PARPBP: variants seen among roughly 807,000 people sequenced by gnomAD.
PARPBP encodes the protein PCNA-interacting partner.
A neutral mutation model predicts 50.0 loss-of-function variants in PARPBP; 52 were observed. That is an observed-to-expected ratio of 1.04 (90% CI 0.83 to 1.31). PARPBP has a LOEUF of 1.31. Ranked by LOEUF, PARPBP falls within the 50% of genes most tolerant of loss-of-function variation. The pLI is 0.00. For missense variants in PARPBP, 697 were observed against 672.0 expected (o/e 1.04, Z -0.41); for synonymous variants, 244 against 232.1 (o/e 1.05, Z -0.47).
intron 4 of PARPBP, among the ~76,000 whole-genome samples, chr12:102,160,185 G>A (rs1887414099): frequency 6.6e-6 from 1 of 152,152 alleles, no homozygotes; most frequent in Admixed American, 6.5e-5. Context: ...CATAATAAGA[G>A]GGATAGATTT....
intron 2 of PARPBP, among the ~76,000 whole-genome samples, chr12:102,136,725 T>C (rs1350302195): frequency 6.6e-6 from 1 of 152,184 alleles, no homozygotes; most frequent in Non-Finnish European, 1.5e-5. Context: ...AGTTCAGTTT[T>C]ATTTCAACTT....
chr12:102,183,671 A>G (rs919800785), intron 9 of PARPBP, among the ~76,000 whole-genome samples: 3 of 152,170 alleles, frequency 2.0e-5, no homozygotes, highest in African/African-American at 7.2e-5. Context: ...GAAGTGTAAC[A>G]TATCAAAAAA....
chr12:102,156,610 A>G (rs1404523797), intron 4 of PARPBP, among the ~76,000 whole-genome samples: 1 of 152,078 alleles, frequency 6.6e-6, no homozygotes, highest in Middle Eastern at 3.2e-3. Context: ...ATTATATTCA[A>G]CATATTTTAA....
chr12:102,168,867 A>G (rs949814830), intron 6 of PARPBP, among the ~76,000 whole-genome samples: 1 of 152,192 alleles, frequency 6.6e-6, no homozygotes, highest in Non-Finnish European at 1.5e-5. Context: ...TATAAGAAAT[A>G]AACAACAAAC....
intron 6 of PARPBP, among the ~76,000 whole-genome samples, chr12:102,167,530 T>C (rs1042368604): frequency 2.0e-5 from 3 of 152,102 alleles, no homozygotes; most frequent in African/African-American, 7.2e-5. Context: ...CTCTGTATAG[T>C]GGGTTTATTT....
In PARPBP at chr12:102,157,372, A is replaced by G. The variant is rs573863885; in HGVS notation, c.495+3396A>G. On this transcript the variant is annotated intron_variant, in intron 4 of 10. Coordinates refer to ENST00000327680, the MANE Select transcript of PARPBP (RefSeq NM_017915.5). Reference sequence around the variant, plus strand: ...TTTAAAATATCATTTACTAACTTCCATATTTAAATTTCTCCATTTGTCCCC... The same window carrying G: ...TTTAAAATATCATTTACTAACTTCCGTATTTAAATTTCTCCATTTGTCCCC... 4.8e-4 allele frequency among the ~76,000 whole-genome samples: 73 copies of G among 152,192 alleles called. 1 individual carries two copies. In the Middle Eastern group the frequency reaches 0.01, roughly 21 times the overall value.
At chr12:102,148,936 ATTCTT>A (rs1885815145) in intron 3 of PARPBP, 1 of 152,438 alleles carries the variant, frequency 6.6e-6, no homozygotes. Flanking sequence ...ATAATAGACT[ATTCTT>A]TTTTTGCACA....
chr12:102,152,933 CAA>C (rs80188087), intron 3 of PARPBP, among the ~76,000 whole-genome samples: 76 of 80,402 alleles, frequency 9.5e-4, no homozygotes, highest in Non-Finnish European at 1.4e-3. Context: ...AACAGTAAAA[CAA>C]AAAAAAAAAA....
At chr12:102,147,421 A>G (rs1885529302) in intron 2 of PARPBP, among the ~76,000 whole-genome samples, 1 of 152,136 alleles carries the variant, frequency 6.6e-6, no homozygotes, top group South Asian at 2.1e-4. Flanking sequence ...TTGTAGGGAC[A>G]TGGATGAAAT....
In PARPBP at chr12:102,183,334, A is replaced by G. The variant is rs1290642118; in HGVS notation, c.1263+707A>G. On this transcript the variant is annotated intron_variant, in intron 9 of 10. Transcript: ENST00000327680. Reference sequence around the variant, plus strand: ...ATTTATAATCATCCTTAAACTGTCAAATATTCATCTTGATACAACAAAAAA... The same window carrying G: ...ATTTATAATCATCCTTAAACTGTCAGATATTCATCTTGATACAACAAAAAA... Among the ~76,000 whole-genome samples the G allele has an allele frequency of 2.0e-5, 3 of 152,276 alleles. No individual in the cohort carries two copies. In the East Asian group the frequency reaches 5.8e-4, roughly 29 times the overall value.
chr12:102,134,538 A>G (rs113907781), intron 2 of PARPBP, among the ~76,000 whole-genome samples: 6 of 152,192 alleles, frequency 3.9e-5, no homozygotes, highest in African/African-American at 1.4e-4. Flanking sequence ...AAGAACTAAT[A>G]CCAATCCTTC....
At chr12:102,158,690 G>C (rs1179099845) in intron 4 of PARPBP, among the ~76,000 whole-genome samples, 1 of 151,928 alleles carries the variant, frequency 6.6e-6, no homozygotes, top group Non-Finnish European at 1.5e-5. Context: ...TCTTTTCTCG[G>C]TGGCGCTTAA....
chr12:102,182,420 G>T, intron 8 of PARPBP, 129 bp from the exon 9 acceptor site: 1 of 630,152 alleles, frequency 1.6e-6, no homozygotes, highest in Non-Finnish European at 2.8e-6. Flanking sequence ...AGTTTATCTG[G>T]GAGGTAACCC....
chr12:102,143,764 G>A lies in PARPBP; in HGVS notation c.154-4466G>A, dbSNP rs138295264. ...TAGTTTGCATCTGACTGACAATCGT[G>A]TTAATAGAGGCTATTTTTTTTTTGC... On this transcript the variant is annotated intron_variant, in intron 2 of 10. Coordinates refer to ENST00000327680, the MANE Select transcript of PARPBP (RefSeq NM_017915.5). Among the ~76,000 whole-genome samples the A allele has an allele frequency of 6.2e-4, 94 of 151,968 alleles. 1 individual carries two copies. Among genetic ancestry groups the A allele is most frequent in the African/African-American group, 2.2e-3 (92 of 41,414 alleles).
intron 2 of PARPBP, among the ~76,000 whole-genome samples, chr12:102,136,046 A>G (rs1217483790): frequency 3.3e-5 from 5 of 151,988 alleles, no homozygotes; most frequent in African/African-American, 1.2e-4. Context: ...TTTGAGATGG[A>G]GTCTCTCCCA....
At chr12:102,163,707 C>T (rs1179538571) in intron 4 of PARPBP, among the ~76,000 whole-genome samples, 1 of 152,196 alleles carries the variant, frequency 6.6e-6, no homozygotes, top group Non-Finnish European at 1.5e-5. Flanking sequence ...CTTCTACTCT[C>T]TCCAAGTTGC....
At chr12:102,160,306 T>C (rs1887426378) in intron 4 of PARPBP, among the ~76,000 whole-genome samples, 1 of 152,174 alleles carries the variant, frequency 6.6e-6, no homozygotes. Context: ...TTGCTAACCT[T>C]AAAGAGCAAG....
chr12:102,130,855 C>G (rs1882738760), intron 2 of PARPBP, among the ~76,000 whole-genome samples: 1 of 145,388 alleles, frequency 6.9e-6, no homozygotes, highest in Non-Finnish European at 1.5e-5. Flanking sequence ...AACACCATCT[C>G]AGAAAAAAAA....
In PARPBP at chr12:102,132,909, A is replaced by T. The variant is rs138766756; in HGVS notation, c.153+8868A>T. On this transcript the variant is annotated intron_variant, in intron 2 of 10. Coordinates refer to ENST00000327680, the MANE Select transcript of PARPBP (RefSeq NM_017915.5). ...TTATTTGTAAAAATTTTTTGTTTTT[A>T]TAGCTATTGTAAATGGGATTGTTTT... is the stretch of plus-strand genomic sequence containing the variant. 5.9e-3 allele frequency among the ~76,000 whole-genome samples: 896 copies of T among 152,130 alleles called. 11 individuals are homozygous for T. The highest frequency in any genetic ancestry group is 0.02 in the African/African-American group (840 of 41,518).
Sources: allele counts gnomAD v4.1 joint callset (sites outside exome capture counted in the v4.1 genomes callset), GRCh38; gene constraint gnomAD v4.1.1; transcripts MANE v1.5; gene names NCBI Gene and HGNC (gene_info 2026-07-23, HGNC 2026-07-21).